DDX4: variants seen among roughly 807,000 people sequenced by gnomAD.
DDX4 encodes the protein probable ATP-dependent RNA helicase DDX4.
DDX4 carries 25 observed loss-of-function variants against 100.0 expected under a neutral mutation model. The ratio of observed to expected loss-of-function variants is 0.25; its 90% CI spans 0.18 to 0.35. The LOEUF is 0.35. Among genes scored for constraint, DDX4 ranks in the 10% least tolerant of loss-of-function variants. The pLI is 1.00. For synonymous variants in DDX4, 259 were observed against 275.7 expected, an observed-to-expected ratio of 0.94 and a Z score of 0.60; for missense variants, 635 against 882.4, an observed-to-expected ratio of 0.72 and a Z score of 3.55.
intron 15 of DDX4, among the ~76,000 whole-genome samples, chr5:55,788,702 T>C (rs959913143): frequency 2.0e-5 from 3 of 152,210 alleles, no homozygotes; most frequent in Non-Finnish European, 4.4e-5. Flanking sequence ...TTCTCTGTTC[T>C]GAGGTATTTA....
At chr5:55,774,156 T>G (rs4865985) in intron 7 of DDX4, among the ~76,000 whole-genome samples, 17,390 of 151,806 alleles carry the variant, frequency 0.11, 1,491 homozygotes, top group East Asian at 0.27. Flanking sequence ...TAATTTTTTT[T>G]TTTTTGTTTT....
intron 7 of DDX4, among the ~76,000 whole-genome samples, chr5:55,772,231 C>G (rs1741299108): frequency 6.6e-6 from 1 of 152,086 alleles, no homozygotes; most frequent in Non-Finnish European, 1.5e-5. Flanking sequence ...AAGTAATTGT[C>G]ATTAATCTGG....
intron 7 of DDX4, among the ~76,000 whole-genome samples, chr5:55,769,866 T>G (rs1741149925): frequency 6.6e-6 from 1 of 151,642 alleles, no homozygotes; most frequent in African/African-American, 2.4e-5. Context: ...ATGCCTTCTT[T>G]TACTTTTTTT....
rs536481157 is a variant in DDX4, at chr5:55,802,997, A to G, written c.1615+4426A>G. ...CTTTTTTAGGGTACATGTGCACAAC[A>G]TGCAGGTTTGTTACGTATGTATACA... On this transcript the variant is annotated intron_variant, in intron 18 of 21. Coordinates refer to ENST00000505374, the MANE Select transcript of DDX4 (RefSeq NM_024415.3). 9.7e-4 allele frequency among the ~76,000 whole-genome samples: 147 copies of G among 151,532 alleles called. No individual in the cohort carries two copies. In the Middle Eastern group the frequency reaches 0.01, roughly 11 times the overall value.
At chr5:55,802,655 C>T (rs1382693533) in intron 18 of DDX4, among the ~76,000 whole-genome samples, 1 of 152,182 alleles carries the variant, frequency 6.6e-6, no homozygotes, top group Admixed American at 6.5e-5. Flanking sequence ...AATAGTTCTT[C>T]ACAAGGCTTG....
intron 16 of DDX4, 62 bp from the exon 17 acceptor site, chr5:55,792,579 G>T: frequency 3.7e-6 from 3 of 811,276 alleles, no homozygotes; most frequent in Non-Finnish European, 5.3e-6. Flanking sequence ...TGGAATTGTA[G>T]AGAATAGTTT....
chr5:55,741,168 C>T (rs1758960903), intron 2 of DDX4, among the ~76,000 whole-genome samples: 1 of 152,166 alleles, frequency 6.6e-6, no homozygotes, highest in Non-Finnish European at 1.5e-5. Flanking sequence ...CAGCACACTG[C>T]ACTATAGCGT....
chr5:55,810,015 G>C lies in DDX4; in HGVS notation c.1616-3658G>C, dbSNP rs571685609. ...GTGAGAGAACTTACAAATCATGAGG[G>C]ACTCCCGTAAAGCATACACACACAC... On this transcript the variant is annotated intron_variant, in intron 18 of 21. Transcript: ENST00000505374. Among the ~76,000 whole-genome samples the C allele has an allele frequency of 2.8e-4, 40 of 143,688 alleles. 1 individual carries two copies. In the South Asian group the frequency reaches 8.2e-3, roughly 30 times the overall value. 94.3% of individuals were successfully genotyped at this position (143,688 alleles called of 152,430 possible).
intron 18 of DDX4, among the ~76,000 whole-genome samples, chr5:55,810,011 G>C (rs1744022940): frequency 6.8e-6 from 1 of 146,788 alleles, no homozygotes; most frequent in Non-Finnish European, 1.5e-5. Context: ...TACAAATCAT[G>C]AGGGACTCCC....
chr5:55,740,323 C>T (rs1033788199), intron 2 of DDX4, among the ~76,000 whole-genome samples: 28 of 152,086 alleles, frequency 1.8e-4, no homozygotes, highest in African/African-American at 4.1e-4. Context: ...CATGCCACCA[C>T]GCCCAGCTAA....
At chr5:55,814,647 T>C (rs253693) in intron 19 of DDX4, among the ~76,000 whole-genome samples, 51,967 of 151,980 alleles carry the variant, frequency 0.34, 9,772 homozygotes, top group East Asian at 0.47. Flanking sequence ...CATGCCACCA[T>C]GCCCAGCTAA....
chr5:55,761,765 G>A (rs941518234), intron 4 of DDX4, among the ~76,000 whole-genome samples: 5 of 151,892 alleles, frequency 3.3e-5, no homozygotes, highest in South Asian at 2.1e-4. Flanking sequence ...GCGCCACCAC[G>A]CCCAGCTAAT....
At chr5:55,778,346 A>G (rs1741699713) in intron 7 of DDX4, among the ~76,000 whole-genome samples, 1 of 152,226 alleles carries the variant, frequency 6.6e-6, no homozygotes, top group Admixed American at 6.5e-5. Context: ...AGAAAGGATA[A>G]AATGTAAAAC....
chr5:55,757,515 G>A (rs967873377), intron 3 of DDX4, among the ~76,000 whole-genome samples: 2 of 152,112 alleles, frequency 1.3e-5, no homozygotes, highest in African/African-American at 2.4e-5. Flanking sequence ...GGGCATTTGG[G>A]CTGGTTCCAT....
chr5:55,755,639 G>A (rs1205910978), intron 3 of DDX4, among the ~76,000 whole-genome samples: 1 of 151,872 alleles, frequency 6.6e-6, no homozygotes, highest in Non-Finnish European at 1.5e-5. Flanking sequence ...AGTAAGCTCC[G>A]GAACATGAAA....
chr5:55,739,016 T>C lies in DDX4; in HGVS notation c.53T>C (p.Val18Ala). Reference sequence around the variant, plus strand: ...ATCAACCCTCATATGTCTTCCTATGTTCCCATATTTGAGAAGGTAATAACA... The same window carrying C: ...ATCAACCCTCATATGTCTTCCTATGCTCCCATATTTGAGAAGGTAATAACA... The part of the protein sequence containing the change: ...AEINPHMSSY[V>A]PIFEKDRYSG... Residue 18 changes from valine to alanine, a missense_variant, in exon 2 of 22, where the codon GTT becomes GCT. Physicochemically the swap from Val to Ala is moderately conservative, Grantham distance 64 (BLOSUM62 0). This residue lies in a region of DDX4 where 446 missense variants were observed against 540.8 expected (regional missense o/e 0.82). Coordinates refer to ENST00000505374, the MANE Select transcript of DDX4 (RefSeq NM_024415.3). 3 of 1,594,290 alleles carry C rather than the reference T, an allele frequency of 1.9e-6. No individual in the cohort carries two copies. The highest frequency in any genetic ancestry group is 2.2e-5 in the South Asian group (2 of 90,274).
chr5:55,765,272 G>A (rs1740818046), intron 6 of DDX4, among the ~76,000 whole-genome samples: 1 of 151,276 alleles, frequency 6.6e-6, no homozygotes, highest in South Asian at 2.1e-4. Context: ...TGTAGAGATG[G>A]TGGGCCAGGG....
chr5:55,771,418 C>T (rs893826430), intron 7 of DDX4, among the ~76,000 whole-genome samples: 1 of 151,826 alleles, frequency 6.6e-6, no homozygotes, highest in African/African-American at 2.4e-5. Flanking sequence ...TTATGTTTAC[C>T]TTCTTAGTGT....
chr5:55,749,920 A>G (rs1759451104), intron 3 of DDX4, among the ~76,000 whole-genome samples: 1 of 151,660 alleles, frequency 6.6e-6, no homozygotes, highest in South Asian at 2.1e-4. Context: ...ATTGCTTTAC[A>G]AAAGGAGGGA....
Sources: gnomAD v4.1 joint callset for allele counts (sites outside exome capture counted in the v4.1 genomes callset) on GRCh38, gnomAD v4.1.1 for gene constraint, gnomAD v4.1.1 regional missense constraint, MANE v1.5 for transcripts, NCBI Gene and HGNC (gene_info 2026-07-23, HGNC 2026-07-21) for gene names.